Variants in PALS2 observed in about 807,000 individuals in gnomAD.
PALS2 encodes the protein protein associated with LIN7 2, MAGUK p55 family member.
Under a neutral mutation model 61.6 loss-of-function variants are expected in PALS2, and 27 were observed. The observed-to-expected ratio is 0.44, with a 90% CI of 0.32 to 0.60. The LOEUF is 0.60. Among genes scored for constraint, PALS2 ranks in the 20% least tolerant of loss-of-function variants. The pLI, the probability that PALS2 is intolerant of heterozygous loss-of-function variation, is 0.05. For synonymous variants in PALS2, 236 were observed against 218.6 expected (o/e 1.08, Z -0.70); for missense variants, 554 against 639.4 (o/e 0.87, Z 1.44).
chr7:24,601,126 T>G (rs1317148591), intron 1 of PALS2, among the ~76,000 whole-genome samples: 2 of 152,132 alleles, frequency 1.3e-5, no homozygotes, highest in African/African-American at 4.8e-5. Flanking sequence ...TTTTAACCAT[T>G]ATGGAGGATG....
At position 24,692,226 on chromosome 7, in the gene PALS2, C is replaced by G. The variant is rs1333494940; in HGVS notation, c.*4612C>G. On this transcript the variant is annotated 3_prime_UTR_variant, in exon 12 of 12. Transcript: ENST00000222644. Reference sequence around the variant, plus strand: ...ATTTCTAAAGTAAGCATGGTTCACACCACTTTGGCAATACACTGCAGTACT... The same window carrying G: ...ATTTCTAAAGTAAGCATGGTTCACAGCACTTTGGCAATACACTGCAGTACT... 1.3e-5 allele frequency: 2 copies of G among 152,120 alleles called. No homozygotes were observed. Among genetic ancestry groups the G allele is most frequent in the East Asian group, 3.8e-4 (2 of 5,206 alleles). 9.4% of individuals were successfully genotyped at this position (152,120 alleles called of 1,614,324 possible).
At chr7:24,623,241 T>G (rs1784597865) in intron 1 of PALS2, among the ~76,000 whole-genome samples, 1 of 151,784 alleles carries the variant, frequency 6.6e-6, no homozygotes, top group South Asian at 2.1e-4. Context: ...AGTATTGGTT[T>G]TAATTCTTTT....
At chr7:24,591,228 A>C (rs1783274182) in intron 1 of PALS2, among the ~76,000 whole-genome samples, 1 of 152,150 alleles carries the variant, frequency 6.6e-6, no homozygotes, top group Non-Finnish European at 1.5e-5. Flanking sequence ...AGGAAAAATC[A>C]ATGTAAATAC....
intron 1 of PALS2, among the ~76,000 whole-genome samples, chr7:24,600,081 G>T (rs772169273): frequency 3.9e-5 from 6 of 152,054 alleles, no homozygotes; most frequent in Non-Finnish European, 8.8e-5. Flanking sequence ...ATCTGTTCAT[G>T]GTGGTTTCCT....
In PALS2 at chr7:24,649,638, G is replaced by A. The variant is rs763452117; in HGVS notation, c.297G>A (p.Val99=). ...FQSLLEAHDI[V]ASKCYDSPPS... The stretch of plus-strand genomic sequence containing the variant: ...CACTGTTGGAGGCCCATGATATTGT[G>A]GCATCAAAGTGTTATGATTCACCTC... Residue 99 remains valine, a synonymous_variant, in exon 4 of 12, where the codon GTG becomes GTA. Coordinates refer to ENST00000222644, the MANE Select transcript of PALS2 (RefSeq NM_001303037.2). 5.6e-6 allele frequency: 9 copies of A among 1,609,244 alleles called. 1 individual carries two copies. In the South Asian group the frequency reaches 1.0e-4, roughly 18 times the overall value.
intron 3 of PALS2, among the ~76,000 whole-genome samples, chr7:24,644,095 C>CTTTTTT (rs59645237): frequency 2.5e-4 from 33 of 134,250 alleles, no homozygotes; most frequent in African/African-American, 8.5e-4. Context: ...TTTCTTTTTT[C>CTTTTTT]TTTTTTTTTT....
intron 1 of PALS2, among the ~76,000 whole-genome samples, chr7:24,600,478 A>G (rs1783680959): frequency 6.6e-6 from 1 of 152,196 alleles, no homozygotes; most frequent in East Asian, 1.9e-4. Flanking sequence ...ATAACATATA[A>G]TATTCAAATG....
At chr7:24,603,357 A>G (rs1317063935) in intron 1 of PALS2, among the ~76,000 whole-genome samples, 1 of 152,204 alleles carries the variant, frequency 6.6e-6, no homozygotes, top group Non-Finnish European at 1.5e-5. Context: ...GCTGGTGAAA[A>G]GTGGTGGATT....
At chr7:24,681,238 T>G (rs996940808) in intron 11 of PALS2, among the ~76,000 whole-genome samples, 2 of 152,120 alleles carry the variant, frequency 1.3e-5, no homozygotes, top group African/African-American at 2.4e-5. Flanking sequence ...ACTTTTTTAC[T>G]TAATGGAAAT....
In PALS2 at chr7:24,663,714, G is replaced by A; in HGVS notation, c.776G>A (p.Trp259Ter). Reference sequence around the variant, plus strand: ...ATTGTAAATAGAGAAGATCCAAATTGGTGGCAGGTTAGTATGCTTCTCAGA... The same window carrying A: ...ATTGTAAATAGAGAAGATCCAAATTAGTGGCAGGTTAGTATGCTTCTCAGA... The part of the protein sequence containing the change: ...LQIVNREDPN[W>*]WQASHVKEGG... Residue 259 changes from tryptophan (W) to a stop codon, truncating the protein, a stop_gained, in exon 6 of 12, where the codon TGG (tryptophan) becomes TAG (stop). Coordinates refer to ENST00000222644, the MANE Select transcript of PALS2 (RefSeq NM_001303037.2). LOFTEE classifies it high-confidence loss of function. 6.2e-7 allele frequency: 1 copy of A among 1,610,376 alleles called. No homozygotes were observed. Among genetic ancestry groups the A allele is most frequent in the Non-Finnish European group, 8.5e-7 (1 of 1,177,486 alleles).
intron 1 of PALS2, among the ~76,000 whole-genome samples, chr7:24,601,726 A>G (rs956287033): frequency 6.6e-5 from 10 of 152,102 alleles, no homozygotes; most frequent in African/African-American, 2.4e-4. Flanking sequence ...CTATCCTCAC[A>G]CTTGATTGAT....
In PALS2 at chr7:24,687,399, A is replaced by G; in HGVS notation, c.1447-39A>G. The G allele has an allele frequency of 2.0e-6, 3 of 1,514,540 alleles. No homozygotes were observed. Among genetic ancestry groups the G allele is most frequent in the African/African-American group, 1.4e-5 (1 of 71,860 alleles). 93.8% of individuals were successfully genotyped at this position (1,514,540 alleles called of 1,614,324 possible). Reference sequence around the variant, plus strand: ...TTGGAGTTTGAGCAAGTAAATATGCATTGTAATACAAACATTTCCTTTTAA... The same window carrying G: ...TTGGAGTTTGAGCAAGTAAATATGCGTTGTAATACAAACATTTCCTTTTAA... On this transcript the variant is annotated intron_variant, in intron 11 of 11. Coordinates refer to ENST00000222644, the MANE Select transcript of PALS2 (RefSeq NM_001303037.2). This position sits in a 1 kb window ranked among gnomAD's most constrained non-coding sequence, Gnocchi z 4.5.
At chr7:24,588,783 A>G (rs191911923) in intron 1 of PALS2, among the ~76,000 whole-genome samples, 76 of 152,320 alleles carry the variant, frequency 5.0e-4, no homozygotes, top group African/African-American at 1.6e-3. Context: ...AAGAACTTCT[A>G]TTTGGCTTTA....
chr7:24,645,217 C>G (rs1785769380), intron 3 of PALS2, among the ~76,000 whole-genome samples: 2 of 152,076 alleles, frequency 1.3e-5, no homozygotes, highest in South Asian at 4.2e-4. Flanking sequence ...ATTCCTATGG[C>G]CAGGATGGTA....
At position 24,622,415 on chromosome 7, in the gene PALS2, T is replaced by A. The variant is rs190289850; in HGVS notation, c.-2-1251T>A. On this transcript the variant is annotated intron_variant, in intron 1 of 11. Coordinates refer to ENST00000222644, the MANE Select transcript of PALS2 (RefSeq NM_001303037.2). Reference sequence around the variant, plus strand: ...TTACATCTATTTCTCAGTATTTTATTGTCTTTGATGCTACTGTAAAAGGAA... The same window carrying A: ...TTACATCTATTTCTCAGTATTTTATAGTCTTTGATGCTACTGTAAAAGGAA... Among the ~76,000 whole-genome samples, 385 of 152,080 alleles carry A rather than the reference T, an allele frequency of 2.5e-3. 1 individual carries two copies. The highest frequency in any genetic ancestry group is 0.01 in the Middle Eastern group (3 of 294).
chr7:24,639,193 GA>G (rs1009609237), intron 2 of PALS2, among the ~76,000 whole-genome samples: 1 of 152,156 alleles, frequency 6.6e-6, no homozygotes, highest in African/African-American at 2.4e-5. Context: ...TCATTTATTG[GA>G]TTGAATAATT....
At chr7:24,679,009 C>A in intron 9 of PALS2, 122 bp from the exon 10 acceptor site, 1 of 742,654 alleles carries the variant, frequency 1.3e-6, no homozygotes, top group Non-Finnish European at 2.3e-6. Context: ...CAGATCAGAT[C>A]TGGTCATAGC....
chr7:24,581,835 C>G (rs1403825205), intron 1 of PALS2, among the ~76,000 whole-genome samples: 2 of 152,150 alleles, frequency 1.3e-5, no homozygotes, highest in African/African-American at 2.4e-5. Flanking sequence ...AGCCTTTAAT[C>G]TGATTTGATC....
rs570576995 is a variant in PALS2 at position 24,606,036 on chromosome 7, G to A, written c.-2-17630G>A. On this transcript the variant is annotated intron_variant, in intron 1 of 11. Transcript: ENST00000222644. ...AACATTTCATCTTTTAAAATCCCATGACTTATATGTTAGTTTGTGCTTTTT... is the reference window on the plus strand; with the variant it reads ...AACATTTCATCTTTTAAAATCCCATAACTTATATGTTAGTTTGTGCTTTTT... Among the ~76,000 whole-genome samples, 10 of 152,148 alleles carry A rather than the reference G, an allele frequency of 6.6e-5. No homozygotes were observed. The South Asian group carries it at 1.9e-3, about 28-fold the overall frequency.
Sources: allele counts gnomAD v4.1 joint callset (sites outside exome capture counted in the v4.1 genomes callset), GRCh38; gene constraint gnomAD v4.1.1; non-coding constraint Gnocchi (gnomAD v3.1); transcripts MANE v1.5; gene names NCBI Gene and HGNC (gene_info 2026-07-23, HGNC 2026-07-21).